Variants in MCF2L2 observed in about 807,000 individuals in gnomAD.
The protein encoded by MCF2L2 is MCF.2 cell line derived transforming sequence-like 2, also known as probable guanine nucleotide exchange factor MCF2L2.
MCF2L2 carries 102 observed loss-of-function variants against 150.2 expected under a neutral mutation model. That is an observed-to-expected ratio of 0.68 (90% CI 0.58 to 0.80). MCF2L2 has a LOEUF of 0.80. Ranked by LOEUF, MCF2L2 falls within the 30% of genes least tolerant of loss-of-function variation. The probability of loss-of-function intolerance (pLI) is 0.00; values close to 1 mark genes in which losing one functional copy is unlikely to be tolerated. For missense variants in MCF2L2, 1,256 were observed against 1,372.8 expected, an observed-to-expected ratio of 0.91 and a Z score of 1.34; for synonymous variants, 465 against 491.3, an observed-to-expected ratio of 0.95 and a Z score of 0.71.
intron 3 of MCF2L2, among the ~76,000 whole-genome samples, chr3:183,363,217 T>C (rs375445749): frequency 6.6e-6 from 1 of 152,234 alleles, no homozygotes; most frequent in East Asian, 1.9e-4. Context: ...ACAGCCACTT[T>C]AGAAGACAGT....
chr3:183,299,740 C>G, intron 11 of MCF2L2: 1 of 401,902 alleles, frequency 2.5e-6, no homozygotes, highest in Admixed American at 4.7e-5. Flanking sequence ...AAAACACACT[C>G]TTAAAGTCCG....
At chr3:183,261,297 C>CTA (rs1460825654) in intron 15 of MCF2L2, among the ~76,000 whole-genome samples, 1 of 152,078 alleles carries the variant, frequency 6.6e-6, no homozygotes, top group Non-Finnish European at 1.5e-5. Context: ...TTGGTCCTAG[C>CTA]TATACTTAAC....
In MCF2L2 at chr3:183,428,138, C is replaced by G. The variant is rs752297692; in HGVS notation, c.-161G>C. The G allele has an allele frequency of 2.8e-5, 17 of 609,322 alleles. No individual in the cohort carries two copies. Among genetic ancestry groups the G allele is most frequent in the Non-Finnish European group, 2.6e-5 (9 of 345,042 alleles). 37.7% of individuals were successfully genotyped at this position (609,322 alleles called of 1,614,324 possible). A position where few individuals can be genotyped will look rare whatever the true frequency, so the allele number is the denominator to read the frequency against. On this transcript the variant is annotated 5_prime_UTR_variant, in exon 1 of 30. Coordinates refer to ENST00000328913, the MANE Select transcript of MCF2L2 (RefSeq NM_015078.4). This position sits in a 1 kb window ranked among gnomAD's most constrained non-coding sequence, Gnocchi z 5.1. Reference sequence around the variant, plus strand: ...GAGAGTCCCTCGCAGCCTAGGCCAGCTCTCCCTCGCCACGCCCCGCGGGGG... The same window carrying G: ...GAGAGTCCCTCGCAGCCTAGGCCAGGTCTCCCTCGCCACGCCCCGCGGGGG...
chr3:183,296,835 G>A lies in MCF2L2; in HGVS notation c.1497+141C>T, dbSNP rs112575961. The A allele has an allele frequency of 4.6e-5, 39 of 840,068 alleles. No individual in the cohort carries two copies. In the African/African-American group the frequency reaches 4.8e-4, roughly 10 times the overall value. The allele number at this position is 840,068 out of a possible 1,614,324, so 52.0% of individuals were successfully genotyped here. On this transcript the variant is annotated intron_variant, in intron 12 of 29. Coordinates refer to ENST00000328913, the MANE Select transcript of MCF2L2 (RefSeq NM_015078.4). ...GTTCAGGCCGAGAGTCTAAGAGGCC[G>A]CCGGAGGGCTTCGGAACCAGTGAGC... is the stretch of plus-strand genomic sequence containing the variant.
At chr3:183,232,245 T>C (rs934586742) in intron 15 of MCF2L2, among the ~76,000 whole-genome samples, 9 of 152,262 alleles carry the variant, frequency 5.9e-5, no homozygotes, top group East Asian at 3.9e-4. Flanking sequence ...ATCAGTCCTA[T>C]AGTTGCAAGG....
intron 11 of MCF2L2, chr3:183,297,669 T>TTCCTTCCTTCCTTCCTTCCA (rs1553776767): frequency 1.1e-5 from 1 of 94,574 alleles, no homozygotes; most frequent in South Asian, 3.9e-4. Flanking sequence ...CCTTCCTTCC[T>TTCCTTCCTTCCTTCCTTCCA]CTTTCTTTCT....
intron 1 of MCF2L2, 75 bp downstream of exon 1, chr3:183,427,827 A>G: frequency 1.5e-6 from 2 of 1,294,506 alleles, no homozygotes; most frequent in Non-Finnish European, 2.2e-6. Context: ...GGGTGAGGCC[A>G]GGAGCCAGAT....
At chr3:183,266,429 A>G (rs1049595518) in intron 15 of MCF2L2, among the ~76,000 whole-genome samples, 3 of 152,234 alleles carry the variant, frequency 2.0e-5, no homozygotes, top group Admixed American at 2.0e-4. Flanking sequence ...GAATTTTCCT[A>G]GAATTCTCAA....
intron 1 of MCF2L2, among the ~76,000 whole-genome samples, chr3:183,407,401 T>G (rs1321927349): frequency 6.6e-6 from 1 of 152,210 alleles, no homozygotes; most frequent in Non-Finnish European, 1.5e-5. Flanking sequence ...ATACAATAGA[T>G]TTTTTATTGA....
intron 3 of MCF2L2, among the ~76,000 whole-genome samples, chr3:183,363,213 A>G (rs2136238): frequency 0.053 from 8,141 of 152,310 alleles, 313 homozygotes; most frequent in East Asian, 0.12. Context: ...CGGCACAGCC[A>G]CTTTAGAAGA....
chr3:183,255,084 T>C (rs907921341), intron 15 of MCF2L2, among the ~76,000 whole-genome samples: 3 of 152,218 alleles, frequency 2.0e-5, no homozygotes, highest in Admixed American at 6.5e-5. Flanking sequence ...TTTATGGTAA[T>C]TATCTGATGA....
intron 15 of MCF2L2, among the ~76,000 whole-genome samples, chr3:183,246,080 G>A (rs1724239564): frequency 6.6e-6 from 1 of 152,154 alleles, no homozygotes; most frequent in Admixed American, 6.5e-5. Flanking sequence ...TGTGCATATA[G>A]CACTTTAAGA....
intron 3 of MCF2L2, among the ~76,000 whole-genome samples, chr3:183,371,679 T>C (rs894778421): frequency 2.0e-5 from 3 of 151,552 alleles, no homozygotes; most frequent in African/African-American, 7.3e-5. Flanking sequence ...GGTTTCACCA[T>C]GTTGGCCAGG....
At chr3:183,261,168 C>T (rs969184990) in intron 15 of MCF2L2, among the ~76,000 whole-genome samples, 1 of 152,086 alleles carries the variant, frequency 6.6e-6, no homozygotes, top group African/African-American at 2.4e-5. Flanking sequence ...TTCTTAACAC[C>T]GATTATTGTA....
chr3:183,349,904 A>G (rs1731046655), intron 3 of MCF2L2, among the ~76,000 whole-genome samples: 1 of 151,508 alleles, frequency 6.6e-6, no homozygotes, highest in South Asian at 2.1e-4. Context: ...CCACGTAATC[A>G]TTGAAGGAAG....
intron 21 of MCF2L2, 27 bp downstream of exon 21, chr3:183,219,829 T>G (rs559832244): frequency 2.0e-6 from 3 of 1,487,144 alleles, no homozygotes; most frequent in Non-Finnish European, 2.8e-6. Context: ...GTTAGTTATA[T>G]AAAATGTAAT....
intron 10 of MCF2L2, among the ~76,000 whole-genome samples, chr3:183,301,533 G>A (rs527412409): frequency 3.9e-5 from 6 of 152,194 alleles, no homozygotes; most frequent in East Asian, 3.9e-4. Flanking sequence ...GGTGGCTCAC[G>A]CCTGTAATCC....
rs1577005863 is a variant in MCF2L2 at position 183,270,244 on chromosome 3, A to G, written c.1862+6628T>C. ...GAACTACAAAGAAAACTGGCTTGGG[A>G]AGATCAAAGGTACAATGATATAATT... On this transcript the variant is annotated intron_variant, in intron 15 of 29. Coordinates refer to ENST00000328913, the MANE Select transcript of MCF2L2 (RefSeq NM_015078.4). The surrounding 1 kb of genome is among the most constrained non-coding windows in gnomAD (Gnocchi z 4.5). 1 of 1,614,190 alleles carries G rather than the reference A, an allele frequency of 6.2e-7. No individual in the cohort carries two copies. Among genetic ancestry groups the G allele is most frequent in the Non-Finnish European group, 8.5e-7 (1 of 1,179,988 alleles).
intron 15 of MCF2L2, chr3:183,272,403 A>C: frequency 1.0e-6 from 1 of 1,000,316 alleles, no homozygotes; most frequent in Non-Finnish European, 1.2e-6. Flanking sequence ...TGTCTCATAT[A>C]ATAAGGTGAT....
Sources: gnomAD v4.1 joint callset for allele counts (sites outside exome capture counted in the v4.1 genomes callset) on GRCh38, gnomAD v4.1.1 for gene constraint, Gnocchi (gnomAD v3.1) non-coding constraint, MANE v1.5 for transcripts, NCBI Gene and HGNC (gene_info 2026-07-23, HGNC 2026-07-21) for gene names.